PPM1H: variants seen among roughly 807,000 people sequenced by gnomAD.
PPM1H encodes protein phosphatase, Mg2+/Mn2+ dependent 1H, also known as protein phosphatase 1H.
A neutral mutation model predicts 54.9 loss-of-function variants in PPM1H; 27 were observed. That is an observed-to-expected ratio of 0.49 (90% CI 0.36 to 0.68). PPM1H has a LOEUF of 0.68. Among genes scored for constraint, PPM1H ranks in the 30% least tolerant of loss-of-function variants. PPM1H has a pLI of 0.00. For synonymous variants in PPM1H, 305 were observed against 270.8 expected (o/e 1.13, Z -1.24); for missense variants, 596 against 667.8 (o/e 0.89, Z 1.19).
At chr12:62,838,693 G>A (rs1868593456) in intron 1 of PPM1H, among the ~76,000 whole-genome samples, 1 of 102,354 alleles carries the variant, frequency 9.8e-6, no homozygotes, top group Admixed American at 8.9e-5. Flanking sequence ...AGGCCGAGGC[G>A]GGCGGATCAC....
intron 9 of PPM1H, among the ~76,000 whole-genome samples, chr12:62,652,055 TTC>T (rs1272253228): frequency 6.6e-6 from 1 of 152,202 alleles, no homozygotes; most frequent in Admixed American, 6.5e-5. Flanking sequence ...GATCATTAAT[TTC>T]TTTTTACTTC....
intron 1 of PPM1H, among the ~76,000 whole-genome samples, chr12:62,860,913 G>A (rs558165689): frequency 2.8e-4 from 43 of 152,224 alleles, no homozygotes; most frequent in African/African-American, 8.9e-4. Flanking sequence ...CTCTTATTTC[G>A]TGTTTTATCA....
At chr12:62,862,544 G>A (rs940298202) in intron 1 of PPM1H, among the ~76,000 whole-genome samples, 1 of 152,112 alleles carries the variant, frequency 6.6e-6, no homozygotes, top group Non-Finnish European at 1.5e-5. Context: ...CTCTTTGAAT[G>A]TCATTTCTAG....
intron 9 of PPM1H, among the ~76,000 whole-genome samples, chr12:62,656,319 G>T (rs1229286279): frequency 1.3e-5 from 2 of 152,138 alleles, no homozygotes; most frequent in East Asian, 1.9e-4. Context: ...GACCTCCAAG[G>T]CTCCTGTAAC....
rs766057291 is a variant in PPM1H, at chr12:62,918,521, C to T, written c.245+15971G>A. Reference sequence around the variant, plus strand: ...ATTAAAGTATATAGCTAACACTTCCCAAAACAATTTTCAATCTAAACATTG... The same window carrying T: ...ATTAAAGTATATAGCTAACACTTCCTAAAACAATTTTCAATCTAAACATTG... On this transcript the variant is annotated intron_variant, in intron 1 of 9. Transcript: ENST00000228705. Among the ~76,000 whole-genome samples, 3 of 152,254 alleles carry T rather than the reference C, an allele frequency of 2.0e-5. No homozygotes were observed. The Middle Eastern group carries it at 0.01, about 518-fold the overall frequency.
intron 1 of PPM1H, among the ~76,000 whole-genome samples, chr12:62,852,816 G>A (rs573523726): frequency 3.3e-5 from 5 of 152,296 alleles, no homozygotes; most frequent in Admixed American, 6.5e-5. Context: ...GGGATGACCC[G>A]GCACTGCATG....
At chr12:62,914,627 G>A (rs957435665) in intron 1 of PPM1H, among the ~76,000 whole-genome samples, 1 of 152,194 alleles carries the variant, frequency 6.6e-6, no homozygotes, top group African/African-American at 2.4e-5. Flanking sequence ...GCTGTGTGGA[G>A]TGTTAACATT....
At chr12:62,839,874 C>CAAAAAAA (rs746381032) in intron 1 of PPM1H, among the ~76,000 whole-genome samples, 1 of 84,228 alleles carries the variant, frequency 1.2e-5, no homozygotes, top group African/African-American at 4.9e-5. Context: ...CCTGTTTCTA[C>CAAAAAAA]AAAAAAAAAA....
At chr12:62,708,937 T>G (rs2076191248) in intron 6 of PPM1H, among the ~76,000 whole-genome samples, 1 of 152,158 alleles carries the variant, frequency 6.6e-6, no homozygotes, top group African/African-American at 2.4e-5. Context: ...TATTTCTGCC[T>G]TGTGTGTAAT....
At chr12:62,870,323 G>A (rs1242237856) in intron 1 of PPM1H, among the ~76,000 whole-genome samples, 1 of 152,098 alleles carries the variant, frequency 6.6e-6, no homozygotes, top group Admixed American at 6.6e-5. Context: ...TTAGGAGGCT[G>A]GCCATTAGAC....
intron 8 of PPM1H, among the ~76,000 whole-genome samples, chr12:62,683,040 TTATTATTATTA>T (rs2136630161): frequency 2.7e-5 from 1 of 36,828 alleles, no homozygotes; most frequent in African/African-American, 2.2e-4. Flanking sequence ...TTATTTATTA[TTATTATTATTA>T]TTATTATTAT....
At chr12:62,725,152 A>G (rs2120479923) in intron 5 of PPM1H, among the ~76,000 whole-genome samples, 1 of 152,282 alleles carries the variant, frequency 6.6e-6, no homozygotes, top group Non-Finnish European at 1.5e-5. Context: ...CACCTCCTCA[A>G]ACTCCTCCGC....
At chr12:62,690,352 A>C (rs992654478) in intron 7 of PPM1H, among the ~76,000 whole-genome samples, 1 of 152,180 alleles carries the variant, frequency 6.6e-6, no homozygotes, top group African/African-American at 2.4e-5. Flanking sequence ...GAGTTCACCT[A>C]TTATGTTTTA....
intron 1 of PPM1H, among the ~76,000 whole-genome samples, chr12:62,871,471 A>T (rs1395588995): frequency 6.6e-6 from 1 of 151,566 alleles, no homozygotes; most frequent in Non-Finnish European, 1.5e-5. Context: ...TAGTGGTTAG[A>T]CAACCTTGTG....
chr12:62,805,151 A>G (rs1370222964), intron 2 of PPM1H, among the ~76,000 whole-genome samples: 1 of 152,228 alleles, frequency 6.6e-6, no homozygotes, highest in African/African-American at 2.4e-5. Flanking sequence ...AATGCAAATC[A>G]AAACCACAAT....
intron 4 of PPM1H, among the ~76,000 whole-genome samples, chr12:62,744,200 G>A (rs12820859): frequency 6.7e-6 from 1 of 149,956 alleles, no homozygotes; most frequent in Non-Finnish European, 1.5e-5. Context: ...GCCAGGCGCT[G>A]TGGCTCACAC....
chr12:62,669,353 T>G (rs2075940523), intron 8 of PPM1H, among the ~76,000 whole-genome samples: 1 of 152,228 alleles, frequency 6.6e-6, no homozygotes, highest in South Asian at 2.1e-4. Context: ...CAAATATTAA[T>G]GTGCACAGAA....
At chr12:62,857,021 GATC>G (rs1468877192) in intron 1 of PPM1H, among the ~76,000 whole-genome samples, 1 of 152,132 alleles carries the variant, frequency 6.6e-6, no homozygotes, top group East Asian at 1.9e-4. Flanking sequence ...GTGTATATGT[GATC>G]ATTATAGTAG....
At chr12:62,722,273 A>G (rs2076268055) in intron 5 of PPM1H, among the ~76,000 whole-genome samples, 1 of 152,204 alleles carries the variant, frequency 6.6e-6, no homozygotes. Context: ...AATACAATCC[A>G]CTACCCAAGC....
Sources: allele counts gnomAD v4.1 joint callset (sites outside exome capture counted in the v4.1 genomes callset), GRCh38; gene constraint gnomAD v4.1.1; transcripts MANE v1.5; gene names NCBI Gene and HGNC (gene_info 2026-07-23, HGNC 2026-07-21).